The following GPT2 variants were observed in gnomAD, a reference collection of about 807,000 sequenced individuals.
GPT2 encodes the protein glutamic--pyruvic transaminase 2, also known as alanine aminotransferase 2.
In GPT2, 30 loss-of-function variants were observed where a neutral mutation model predicts 56.9. The ratio of observed to expected loss-of-function variants is 0.53; its 90% CI spans 0.39 to 0.72. GPT2 has a LOEUF of 0.72. Ranked by LOEUF, GPT2 falls within the 30% of genes least tolerant of loss-of-function variation. The pLI, the probability that GPT2 is intolerant of heterozygous loss-of-function variation, is 0.00. For missense variants in GPT2, 542 were observed against 703.4 expected, an observed-to-expected ratio of 0.77 and a Z score of 2.60; for synonymous variants, 271 against 283.1, an observed-to-expected ratio of 0.96 and a Z score of 0.43.
At chr16:46,898,986 A>T (rs1255762256) in intron 3 of GPT2, among the ~76,000 whole-genome samples, 1 of 137,028 alleles carries the variant, frequency 7.3e-6, no homozygotes, top group African/African-American at 2.7e-5. Context: ...ATATATATAT[A>T]TATATAACAC....
intron 3 of GPT2, among the ~76,000 whole-genome samples, chr16:46,899,705 C>G (rs1356708267): frequency 1.3e-5 from 2 of 152,254 alleles, no homozygotes; most frequent in African/African-American, 4.8e-5. Context: ...CCTGACTTCC[C>G]TGGAGCGTGA....
At chr16:46,925,663 T>C (rs1241708637) in intron 10 of GPT2, among the ~76,000 whole-genome samples, 1 of 151,902 alleles carries the variant, frequency 6.6e-6, no homozygotes, top group African/African-American at 2.4e-5. Flanking sequence ...AAACCCTCTC[T>C]ACAAAAAATT....
chr16:46,911,499 A>C (rs1157881536), intron 6 of GPT2, among the ~76,000 whole-genome samples: 1 of 152,198 alleles, frequency 6.6e-6, no homozygotes, highest in Non-Finnish European at 1.5e-5. Context: ...GTGGGGGATA[A>C]AGATTCAGTA....
intron 9 of GPT2, among the ~76,000 whole-genome samples, chr16:46,922,869 A>G (rs1337559366): frequency 6.6e-6 from 1 of 152,196 alleles, no homozygotes. Context: ...TTATGGGTCA[A>G]GTAATCTAGA....
At chr16:46,892,726 A>G (rs1485636057) in intron 2 of GPT2, among the ~76,000 whole-genome samples, 3 of 152,192 alleles carry the variant, frequency 2.0e-5, no homozygotes, top group Non-Finnish European at 4.4e-5. Flanking sequence ...TTTTGTGGAA[A>G]GACTCTTCAC....
chr16:46,895,758 C>A (rs940586849), intron 2 of GPT2, among the ~76,000 whole-genome samples: 1 of 152,182 alleles, frequency 6.6e-6, no homozygotes, highest in Non-Finnish European at 1.5e-5. Context: ...TTGTTGAACT[C>A]CTGGCCTCAA....
At chr16:46,905,535 G>A (rs989077838) in intron 4 of GPT2, among the ~76,000 whole-genome samples, 2 of 152,248 alleles carry the variant, frequency 1.3e-5, no homozygotes, top group East Asian at 1.9e-4. Flanking sequence ...AGATCTAAAA[G>A]AATATACAAT....
intron 8 of GPT2, 109 bp downstream of exon 8, chr16:46,918,866 C>A: frequency 7.5e-7 from 1 of 1,331,484 alleles, no homozygotes; most frequent in Non-Finnish European, 1.0e-6. Context: ...GAGAAGGCTG[C>A]CCTTATCTGT....
Position 46,900,769 on chromosome 16 carries a change from G to A in GPT2, c.421G>A (p.Ala141Thr). The change falls in exon 4 of 12, where the codon GCT becomes ACT. Residue 141 changes from alanine (A) to threonine (T), a missense_variant. By Grantham distance (58) the Ala-to-Thr change is moderately conservative. Transcript: ENST00000340124. Reference protein sequence around the residue: ...AKKRARRILQACGGNSLGSYS... With the variant: ...AKKRARRILQTCGGNSLGSYS... ...GAAACGTGCCCGGCGGATCCTGCAG[G>A]CTTGTGGCGGGAACAGCCTGGGTGA... 1.2e-6 allele frequency: 2 copies of A among 1,614,084 alleles called. No homozygotes were observed. The highest frequency in any genetic ancestry group is 1.1e-5 in the South Asian group (1 of 91,084).
rs556756788 is a variant in GPT2, at chr16:46,920,136, TC to T, written c.1037+1381del. 2.5e-3 allele frequency among the ~76,000 whole-genome samples: 378 copies of T among 152,312 alleles called. 1 individual carries two copies. The highest frequency in any genetic ancestry group is 2.9e-3 in the Non-Finnish European group (196 of 68,036). ...GGGAGGATCGCTTAAGCCCAGGAGT[TC>T]CAGGCTGCGGTGAGCTGATGACGCC... On this transcript the variant is annotated intron_variant, in intron 8 of 11. Transcript: ENST00000340124.
rs558746611 is a variant in GPT2, at chr16:46,905,838, T to C, written c.443-1004T>C. Reference sequence around the variant, plus strand: ...CTGTACACTCTCTCATGGGTCTTTCTAGTCAATACCCCCACCCCAGAGCAG... The same window carrying C: ...CTGTACACTCTCTCATGGGTCTTTCCAGTCAATACCCCCACCCCAGAGCAG... On this transcript the variant is annotated intron_variant, in intron 4 of 11. Coordinates refer to ENST00000340124, the MANE Select transcript of GPT2 (RefSeq NM_133443.4). Among the ~76,000 whole-genome samples, 181 of 152,314 alleles carry C rather than the reference T, an allele frequency of 1.2e-3. 1 individual carries two copies. The highest frequency in any genetic ancestry group is 2.2e-3 in the Non-Finnish European group (148 of 68,032).
Position 46,884,857 on chromosome 16 carries a change from C to G in GPT2, c.142C>G (p.Leu48Val). The part of the protein sequence containing the change: ...RPERSRRERI[L>V]TLESMNPQVK... ...CGAGCGCAGCCGGCGCGAGCGCATC[C>G]TCACGCTGGAGTCCATGAACCCGCA... Residue 48 changes from leucine (L) to valine (V), a missense_variant, in exon 2 of 12, where the codon CTC (leucine) becomes GTC (valine). By Grantham distance (32) the Leu-to-Val change is conservative. Transcript: ENST00000340124. 6.5e-7 allele frequency: 1 copy of G among 1,543,984 alleles called. No homozygotes were observed.
chr16:46,906,768 A>G, intron 4 of GPT2, 74 bp from the exon 5 acceptor site: 2 of 1,575,646 alleles, frequency 1.3e-6, no homozygotes, highest in Non-Finnish European at 8.7e-7. Flanking sequence ...CTCTAATTAT[A>G]TGGATGTTAA....
intron 8 of GPT2, among the ~76,000 whole-genome samples, chr16:46,919,579 C>T (rs1961242307): frequency 6.6e-6 from 1 of 152,190 alleles, no homozygotes; most frequent in South Asian, 2.1e-4. Flanking sequence ...CAGCCAGGAG[C>T]TGGAAAGGAG....
In GPT2 at chr16:46,884,803, G is replaced by A; in HGVS notation, c.88G>A (p.Glu30Lys). The A allele has an allele frequency of 6.6e-7, 1 of 1,514,920 alleles. No homozygotes were observed. The highest frequency in any genetic ancestry group is 2.7e-5 in the East Asian group (1 of 36,962). The allele number at this position is 1,514,920 out of a possible 1,614,324, so 93.8% of individuals were successfully genotyped here. Residue 30 changes from glutamate to lysine, a missense_variant, in exon 2 of 12, where the codon GAG (glutamate) becomes AAG (lysine). Glu to Lys is a moderately conservative substitution (Grantham distance 56). Coordinates refer to ENST00000340124, the MANE Select transcript of GPT2 (RefSeq NM_133443.4). ...CCGCAGCCAGAGCAGCGCGGCCGCC[G>A]AGGCCTCGGCGGTGCTCAAGGTGCG... ...WGRSQSSAAA[E>K]ASAVLKVRPE... is the part of the protein sequence containing the mutation.
rs192784146 is a variant in GPT2, at chr16:46,901,082, C to T, written c.442+292C>T. On this transcript the variant is annotated intron_variant, in intron 4 of 11. Transcript: ENST00000340124. Reference sequence around the variant, plus strand: ...ATTGGACAGCAGCTGAGCCTGCCTTCGTCACAGCAGGTTTCACCCAGCAGC... The same window carrying T: ...ATTGGACAGCAGCTGAGCCTGCCTTTGTCACAGCAGGTTTCACCCAGCAGC... 4.5e-3 allele frequency among the ~76,000 whole-genome samples: 678 copies of T among 152,322 alleles called. 4 individuals carry two copies. The highest frequency in any genetic ancestry group is 0.025 in the South Asian group (123 of 4,826).
intron 11 of GPT2, among the ~76,000 whole-genome samples, chr16:46,927,892 G>A (rs1961449499): frequency 1.3e-5 from 2 of 152,092 alleles, no homozygotes; most frequent in South Asian, 4.1e-4. Context: ...GTGGCAACTT[G>A]GAAATTCCTT....
intron 3 of GPT2, 85 bp downstream of exon 3, chr16:46,897,822 C>T (rs1960713699): frequency 5.2e-6 from 6 of 1,150,050 alleles, no homozygotes; most frequent in African/African-American, 4.6e-5. Flanking sequence ...TCTGCCCCCT[C>T]GATGTCCAGG....
At chr16:46,927,475 A>G (rs1961441532) in intron 11 of GPT2, among the ~76,000 whole-genome samples, 1 of 152,114 alleles carries the variant, frequency 6.6e-6, no homozygotes, top group Non-Finnish European at 1.5e-5. Flanking sequence ...CTGCCGAGGA[A>G]CTGCAGGGGA....
Sources: gnomAD v4.1 joint callset for allele counts (sites outside exome capture counted in the v4.1 genomes callset) on GRCh38, gnomAD v4.1.1 for gene constraint, MANE v1.5 for transcripts, NCBI Gene and HGNC (gene_info 2026-07-23, HGNC 2026-07-21) for gene names.